Variants in MYZAP observed in about 807,000 individuals in gnomAD.
MYZAP encodes GRINL1A complex locus upstream.
A neutral mutation model predicts 69.4 loss-of-function variants in MYZAP; 66 were observed. The observed-to-expected ratio is 0.95, with a 90% CI of 0.78 to 1.17. The LOEUF (loss-of-function observed/expected upper bound fraction) is 1.17. Among genes scored for constraint, MYZAP ranks in the 50% most tolerant of loss-of-function variants. MYZAP has a pLI of 0.00. For synonymous variants in MYZAP, 256 were observed against 205.9 expected, an observed-to-expected ratio of 1.24 and a Z score of -2.09; for missense variants, 611 against 556.2, an observed-to-expected ratio of 1.10 and a Z score of -0.99.
At chr15:57,615,606 G>T (rs1467979849) in intron 2 of MYZAP, among the ~76,000 whole-genome samples, 1 of 152,228 alleles carries the variant, frequency 6.6e-6, no homozygotes, top group Non-Finnish European at 1.5e-5. Flanking sequence ...ACTGGGTGGA[G>T]TCTGTGACTG....
chr15:57,617,536 G>A (rs764586050), intron 2 of MYZAP, among the ~76,000 whole-genome samples: 16 of 152,112 alleles, frequency 1.1e-4, no homozygotes, highest in Non-Finnish European at 2.1e-4. Flanking sequence ...AACAGGTTAT[G>A]TACTAACACT....
chr15:57,629,809 G>A lies in MYZAP; in HGVS notation c.633G>A (p.Arg211=). ...ASMDKLREKQ[R]QLEVAQVENQ... ...TGGACAAGCTGAGGGAAAAGCAGAG[G>A]CAGTTGGAGGTAGCGCAAGTTGAAA... is the stretch of plus-strand genomic sequence containing the variant. The change falls in exon 6 of 13, where the codon AGG becomes AGA. Residue 211 remains arginine, a synonymous_variant. Coordinates refer to ENST00000267853, the MANE Select transcript of MYZAP (RefSeq NM_001018100.5). The A allele has an allele frequency of 6.2e-7, 1 of 1,614,040 alleles. No homozygotes were observed. The highest frequency in any genetic ancestry group is 8.5e-7 in the Non-Finnish European group (1 of 1,179,986).
intron 4 of MYZAP, among the ~76,000 whole-genome samples, chr15:57,622,612 G>A (rs1221258325): frequency 6.6e-6 from 1 of 152,104 alleles, no homozygotes; most frequent in African/African-American, 2.4e-5. Flanking sequence ...TATGATAAAT[G>A]TAGCATCTCA....
At chr15:57,633,284 C>T (rs2036614969) in intron 7 of MYZAP, among the ~76,000 whole-genome samples, 1 of 152,186 alleles carries the variant, frequency 6.6e-6, no homozygotes, top group Admixed American at 6.5e-5. Context: ...AATTCCCTTA[C>T]ACTTCTGGCA....
chr15:57,639,628 C>G (rs1351476734), intron 10 of MYZAP, 83 bp downstream of exon 10: 1 of 1,489,146 alleles, frequency 6.7e-7, no homozygotes, highest in Admixed American at 2.0e-5. Context: ...CCTTGCCCCT[C>G]CATTTCCTGT....
chr15:57,614,559 A>G (rs2035312543), intron 2 of MYZAP, among the ~76,000 whole-genome samples: 1 of 152,198 alleles, frequency 6.6e-6, no homozygotes, highest in Admixed American at 6.5e-5. Context: ...TTGAAACAAG[A>G]AGGAGGCTGG....
At chr15:57,658,491 T>A (rs1317970549) in intron 10 of MYZAP, among the ~76,000 whole-genome samples, 1 of 152,224 alleles carries the variant, frequency 6.6e-6, no homozygotes, top group Non-Finnish European at 1.5e-5. Context: ...TAAAGTCTCC[T>A]AATCTAGAGC....
intron 12 of MYZAP, among the ~76,000 whole-genome samples, chr15:57,677,697 A>G (rs376770605): frequency 2.2e-4 from 34 of 152,272 alleles, no homozygotes; most frequent in African/African-American, 8.2e-4. Flanking sequence ...CTTTGTCCCT[A>G]TTCTTCTCCT....
At chr15:57,647,810 C>G (rs1434485155) in intron 10 of MYZAP, 2 of 985,286 alleles carry the variant, frequency 2.0e-6, no homozygotes, top group Admixed American at 6.1e-5. Flanking sequence ...CAGGACCTAC[C>G]TCAGCCTGCT....
intron 1 of MYZAP, among the ~76,000 whole-genome samples, chr15:57,596,923 A>G (rs1235009483): frequency 6.6e-6 from 1 of 151,988 alleles, no homozygotes; most frequent in Non-Finnish European, 1.5e-5. Context: ...TACTTGCGTC[A>G]CCTGTGATTA....
chr15:57,684,604 G>A lies in MYZAP; in HGVS notation c.*106G>A, dbSNP rs2039605425. ...GTTGTTTCCCCTACACACAGTGTAA[G>A]CCGGAATGGGAATCGCTGAGGCTCT... On this transcript the variant is annotated 3_prime_UTR_variant, in exon 13 of 13. Transcript: ENST00000267853. 3 of 720,356 alleles carry A rather than the reference G, an allele frequency of 4.2e-6. No homozygotes were observed. The highest frequency in any genetic ancestry group is 3.5e-5 in the African/African-American group (2 of 56,586). 44.6% of individuals were successfully genotyped at this position (720,356 alleles called of 1,614,324 possible).
rs142159417 is a variant in MYZAP, at chr15:57,633,684, A to G, written c.876A>G (p.Leu292=). The change falls in exon 8 of 13, where the codon CTA becomes CTG. Residue 292 remains leucine, a synonymous_variant. Coordinates refer to ENST00000267853, the MANE Select transcript of MYZAP (RefSeq NM_001018100.5). ...AGATGCAAGCAGCAGAGATCAGCCT[A>G]GAGGAGAAAGACCAGAGGATCGGGG... ...NKKMQAAEIS[L]EEKDQRIGEL... The G allele has an allele frequency of 1.9e-6, 3 of 1,613,442 alleles. No individual in the cohort carries two copies. The highest frequency in any genetic ancestry group is 4.5e-5 in the East Asian group (2 of 44,830).
chr15:57,631,660 C>G (rs2036514385), intron 6 of MYZAP, among the ~76,000 whole-genome samples: 1 of 152,144 alleles, frequency 6.6e-6, no homozygotes, highest in Non-Finnish European at 1.5e-5. Flanking sequence ...GGTGCCAACA[C>G]TTACCCAGTG....
intron 8 of MYZAP, among the ~76,000 whole-genome samples, chr15:57,634,859 CATT>C (rs1426931975): frequency 1.3e-5 from 2 of 152,176 alleles, no homozygotes; most frequent in Admixed American, 6.5e-5. Context: ...TCAGGACTAA[CATT>C]AGTATTGACC....
intron 1 of MYZAP, among the ~76,000 whole-genome samples, chr15:57,594,138 T>G (rs1324160806): frequency 3.3e-5 from 5 of 152,204 alleles, no homozygotes; most frequent in Admixed American, 3.3e-4. Context: ...TTTTTTGAGA[T>G]GGAGTCTCAC....
intron 2 of MYZAP, among the ~76,000 whole-genome samples, chr15:57,615,491 C>G (rs4774974): frequency 6.6e-6 from 1 of 152,064 alleles, no homozygotes. Flanking sequence ...CCTCTGTGTC[C>G]GGCCACCTGA....
At chr15:57,646,338 A>G in intron 10 of MYZAP, 1 of 1,192,476 alleles carries the variant, frequency 8.4e-7, no homozygotes, top group Non-Finnish European at 1.1e-6. Flanking sequence ...TTAAAGGAAA[A>G]TTTGACCATG....
At chr15:57,628,323 T>C (rs1159903362) in intron 5 of MYZAP, among the ~76,000 whole-genome samples, 3 of 152,264 alleles carry the variant, frequency 2.0e-5, no homozygotes, top group East Asian at 3.9e-4. Flanking sequence ...CAGGCTGGAG[T>C]GCAGCAGTGT....
chr15:57,595,513 G>A (rs1243583500), intron 1 of MYZAP, among the ~76,000 whole-genome samples: 1 of 152,126 alleles, frequency 6.6e-6, no homozygotes, highest in Non-Finnish European at 1.5e-5. Flanking sequence ...GGTTGGTTGT[G>A]TGGCTGGGTC....
Sources: gnomAD v4.1 joint callset for allele counts (sites outside exome capture counted in the v4.1 genomes callset) on GRCh38, gnomAD v4.1.1 for gene constraint, MANE v1.5 for transcripts, NCBI Gene and HGNC (gene_info 2026-07-23, HGNC 2026-07-21) for gene names.